The following INTS1 variants were observed in gnomAD, a reference collection of about 807,000 sequenced individuals.
INTS1 encodes the protein integrator complex subunit 1.
In INTS1, 137 loss-of-function variants were observed where a neutral mutation model predicts 241.6. The observed-to-expected ratio is 0.57, with a 90% CI of 0.49 to 0.65. INTS1 has a LOEUF of 0.65. Ranked by LOEUF, INTS1 falls within the 30% of genes least tolerant of loss-of-function variation. INTS1 has a pLI of 0.00. For missense variants in INTS1, 3,073 were observed against 3,032.2 expected, an observed-to-expected ratio of 1.01 and a Z score of -0.32; for synonymous variants, 1,692 against 1,337.8, an observed-to-expected ratio of 1.26 and a Z score of -5.78.
Position 1,485,475 on chromosome 7 carries a change from G to A in INTS1, c.2977-6C>T. On this transcript the variant is annotated splice_region_variant and splice_polypyrimidine_tract_variant and intron_variant, in intron 22 of 47. Transcript: ENST00000404767. The stretch of plus-strand genomic sequence containing the variant: ...GAAAGCACCAGCGACAAACCCTGTG[G>A]CAGACACTCATGAGCTGGGCCGGCT... 1 of 1,611,486 alleles carries A rather than the reference G, an allele frequency of 6.2e-7. No individual in the cohort carries two copies.
In INTS1 at chr7:1,476,665, G is replaced by C. The variant is rs758843410; in HGVS notation, c.5064-8C>G. ...GAGGCAGAGGGGTCGAACCTGTGGG[G>C]AGGCAAAGGTTCCAGAGCACGAGGT... On this transcript the variant is annotated splice_region_variant and splice_polypyrimidine_tract_variant and intron_variant, in intron 36 of 47. Coordinates refer to ENST00000404767, the MANE Select transcript of INTS1 (RefSeq NM_001080453.3). 6.2e-7 allele frequency: 1 copy of C among 1,612,542 alleles called. No homozygotes were observed. Among genetic ancestry groups the C allele is most frequent in the South Asian group, 1.1e-5 (1 of 91,080 alleles).
At chr7:1,496,865 G>A (rs904943713) in intron 11 of INTS1, among the ~76,000 whole-genome samples, 3 of 152,224 alleles carry the variant, frequency 2.0e-5, no homozygotes, top group South Asian at 2.1e-4. Flanking sequence ...CCCTGCTCCC[G>A]TGCTCCCCTT....
At chr7:1,487,481 AC>A in intron 19 of INTS1, 32 bp from the exon 20 acceptor site, 1 of 1,603,526 alleles carries the variant, frequency 6.2e-7, no homozygotes, top group African/African-American at 1.3e-5. Context: ...GTGCGTCAGC[AC>A]GCCCTGAGCG....
chr7:1,502,141 A>T (rs746123405), intron 3 of INTS1, among the ~76,000 whole-genome samples: 34 of 152,138 alleles, frequency 2.2e-4, no homozygotes, highest in Non-Finnish European at 4.3e-4. Context: ...CGGCTTGAAC[A>T]GACACCTCAC....
chr7:1,476,543 C>CGGATGGGCCACCCCCTCTCCT, intron 37 of INTS1, 27 bp downstream of exon 37: 3 of 1,610,312 alleles, frequency 1.9e-6, no homozygotes, highest in Non-Finnish European at 2.5e-6. Flanking sequence ...CCCCCTCTCC[C>CGGATGGGCCACCCCCTCTCCT]GGATGGGCCA....
Position 1,489,414 on chromosome 7 carries a change from C to T in INTS1, c.2258-10G>A, listed in dbSNP as rs781776924. 12 of 1,021,364 alleles carry T rather than the reference C, an allele frequency of 1.2e-5. No homozygotes were observed. The highest frequency in any genetic ancestry group is 2.2e-4 in the East Asian group (2 of 9,194). The allele number at this position is 1,021,364 out of a possible 1,614,324, so 63.3% of individuals were successfully genotyped here. On this transcript the variant is annotated splice_polypyrimidine_tract_variant and intron_variant, in intron 17 of 47. Transcript: ENST00000404767. ...TCCCACGCAGCCAGGCCTAGGGAAC[C>T]GGAGGGTGTGGGGCTGGCCAGGCTC...
chr7:1,479,735 A>T, intron 30 of INTS1, 51 bp from the exon 31 acceptor site: 1 of 1,433,408 alleles, frequency 7.0e-7, no homozygotes, highest in Non-Finnish European at 9.1e-7. Flanking sequence ...AAGGAGGAGG[A>T]GCGCAGCGGA....
Position 1,503,896 on chromosome 7 carries a change from G to A in INTS1, c.58+7C>T, listed in dbSNP as rs1290803478. On this transcript the variant is annotated splice_region_variant and intron_variant, in intron 2 of 47. Transcript: ENST00000404767. ...CCCCGGGCTGCAGAGCGAGGAGGGA[G>A]ACGCACCTGAGGGTTTGGCCGCGGC... is the stretch of plus-strand genomic sequence containing the variant. 5 of 1,552,192 alleles carry A rather than the reference G, an allele frequency of 3.2e-6. No individual in the cohort carries two copies. Among genetic ancestry groups the A allele is most frequent in the African/African-American group, 2.8e-5 (2 of 71,782 alleles).
At position 1,486,866 on chromosome 7, in the gene INTS1, CCCTG is replaced by C. The variant is rs1486022867; in HGVS notation, c.2826+52_2826+55del. The stretch of plus-strand genomic sequence containing the variant: ...GGCTGGTGGGCTCAGGCATGGGTTG[CCCTG>C]ACAGGGGTGCGGGGTGAGAGGCGGG... On this transcript the variant is annotated intron_variant, in intron 21 of 47. Transcript: ENST00000404767. 13 of 1,591,410 alleles carry C rather than the reference CCCTG, an allele frequency of 8.2e-6. No homozygotes were observed. The African/African-American group carries it at 9.4e-5, about 11-fold the overall frequency.
Position 1,494,714 on chromosome 7 carries a change from C to A in INTS1, c.1910+102G>T. 8 of 1,157,658 alleles carry A rather than the reference C, an allele frequency of 6.9e-6. No homozygotes were observed. The South Asian group carries it at 1.1e-4, about 15-fold the overall frequency. The allele number at this position is 1,157,658 out of a possible 1,614,324, so 71.7% of individuals were successfully genotyped here. A position where few individuals can be genotyped will look rare whatever the true frequency, so the allele number is the denominator to read the frequency against. On this transcript the variant is annotated intron_variant, in intron 14 of 47. Coordinates refer to ENST00000404767, the MANE Select transcript of INTS1 (RefSeq NM_001080453.3). ...CAGGATGGTGCTGTGACCATGGGAA[C>A]AGCCGCCCAACTCCCACTGGCCCTT...
In INTS1 at chr7:1,500,174, A is replaced by G. The variant is rs559147540; in HGVS notation, c.542T>C (p.Ile181Thr). 3 of 1,587,150 alleles carry G rather than the reference A, an allele frequency of 1.9e-6. No homozygotes were observed. Among genetic ancestry groups the G allele is most frequent in the African/African-American group, 2.7e-5 (2 of 74,608 alleles). Residue 181 changes from isoleucine to threonine, a missense_variant, in exon 4 of 48, where the codon ATT (isoleucine) becomes ACT (threonine). Ile to Thr is a moderately conservative substitution (Grantham distance 89). Transcript: ENST00000404767. ...TGCCAGGGGCCCGGCTCAAACCTCA[A>G]TGACGCCCTCAGTGGCGAAGATGTT... ...KPNIFATEGV[I>T]EALCSLLRRD...
intron 20 of INTS1, 35 bp from the exon 21 acceptor site, chr7:1,487,136 T>C: frequency 6.5e-7 from 1 of 1,534,928 alleles, no homozygotes; most frequent in Non-Finnish European, 8.8e-7. Context: ...CTCAGCACCT[T>C]CCAGGCCCAA....
intron 25 of INTS1, 53 bp downstream of exon 25, chr7:1,483,950 C>T: frequency 1.3e-6 from 2 of 1,589,756 alleles, no homozygotes; most frequent in Non-Finnish European, 8.6e-7. Flanking sequence ...TGCAGCCTCA[C>T]CCAGCCGTAG....
chr7:1,477,508 A>G (rs1211224335), intron 35 of INTS1, 42 bp downstream of exon 35: 9 of 1,469,784 alleles, frequency 6.1e-6, no homozygotes, highest in Non-Finnish European at 8.1e-6. Flanking sequence ...AAGAGCCTTT[A>G]CCCTGGGGTG....
Position 1,487,748 on chromosome 7 carries a change from T to C in INTS1, c.2516+12A>G, listed in dbSNP as rs7801366. On this transcript the variant is annotated intron_variant, in intron 19 of 47. Transcript: ENST00000404767. The stretch of plus-strand genomic sequence containing the variant: ...ACGGCAGGCGCAGGGCGGGGCTGTG[T>C]GGGCTGCGTACTGGGGGTCCAGGCT... 9.2e-3 allele frequency: 14,840 copies of C among 1,605,642 alleles called. 677 individuals are homozygous for C. In the African/African-American group the frequency reaches 0.12, roughly 14 times the overall value.
intron 9 of INTS1, 61 bp from the exon 10 acceptor site, chr7:1,498,614 GCCCCCACTCCGCCCGCA>G: frequency 6.3e-7 from 1 of 1,587,864 alleles, no homozygotes. Context: ...CTCCGCCTGT[GCCCCCACTCCGCCCGCA>G]CCCCCGCTCC....
rs1423494898 is a variant in INTS1, at chr7:1,477,667, C to G, written c.4821G>C (p.Glu1607Asp). 1.3e-6 allele frequency: 2 copies of G among 1,597,014 alleles called. No individual in the cohort carries two copies. The highest frequency in any genetic ancestry group is 1.7e-6 in the Non-Finnish European group (2 of 1,172,080). ...CTGACGAGGGCCCCAGCCGCACGGC[C>G]TCCAGGCTGCAGGGAGAAGGTGGCT... is the stretch of plus-strand genomic sequence containing the variant. Reference protein sequence around the residue: ...GKPGADGGSLEAVRLGPSSGL... With the variant: ...GKPGADGGSLDAVRLGPSSGL... The change falls in exon 35 of 48, where the codon GAG becomes GAC. Residue 1607 changes from glutamate (E) to aspartate (D), a missense_variant. By Grantham distance (45) the Glu-to-Asp change is conservative. Transcript: ENST00000404767.
rs370240975 is a variant in INTS1, at chr7:1,499,952, C to G, written c.616G>C (p.Val206Leu). The change falls in exon 5 of 48, where the codon GTG becomes CTG. Residue 206 changes from valine (V) to leucine (L), a missense_variant. Physicochemically the swap from Val to Leu is conservative, Grantham distance 32 (BLOSUM62 1). Coordinates refer to ENST00000404767, the MANE Select transcript of INTS1 (RefSeq NM_001080453.3). ...FKAKGNSLVS[V>L]LACNLLMAAY... Reference sequence around the variant, plus strand: ...GCCATGAGGAGGTTACAGGCCAGCACAGACACCAGGCTGTTCCCCTTGGCC... The same window carrying G: ...GCCATGAGGAGGTTACAGGCCAGCAGAGACACCAGGCTGTTCCCCTTGGCC... 2 of 1,613,612 alleles carry G rather than the reference C, an allele frequency of 1.2e-6. No individual in the cohort carries two copies. The highest frequency in any genetic ancestry group is 1.7e-6 in the Non-Finnish European group (2 of 1,179,874).
intron 3 of INTS1, among the ~76,000 whole-genome samples, chr7:1,502,437 C>G (rs371587628): frequency 2.0e-5 from 3 of 152,178 alleles, no homozygotes; most frequent in East Asian, 3.8e-4. Flanking sequence ...TGTTCTGCTG[C>G]TTTTCAACTG....
Sources: gnomAD v4.1 joint callset for allele counts (sites outside exome capture counted in the v4.1 genomes callset) on GRCh38, gnomAD v4.1.1 for gene constraint, MANE v1.5 for transcripts, NCBI Gene and HGNC (gene_info 2026-07-23, HGNC 2026-07-21) for gene names.